Variants in PRDM16 observed in about 807,000 individuals in gnomAD.
PRDM16 encodes histone-lysine N-methyltransferase PRDM16.
PRDM16 carries 23 observed loss-of-function variants against 110.6 expected under a neutral mutation model. That is an observed-to-expected ratio of 0.21 (90% CI 0.15 to 0.29). PRDM16 has a LOEUF of 0.29. PRDM16 is among the 10% of genes least tolerant of loss of function. PRDM16 has a pLI of 1.00. For synonymous variants in PRDM16, 799 were observed against 781.8 expected (o/e 1.02, Z -0.37); for missense variants, 1,615 against 1,794.3 (o/e 0.90, Z 1.81).
intron 2 of PRDM16, among the ~76,000 whole-genome samples, chr1:3,219,964 C>A (rs1345238674): frequency 6.6e-6 from 1 of 152,180 alleles, no homozygotes; most frequent in Non-Finnish European, 1.5e-5. Context: ...GGCGAGGCTG[C>A]GGTGCTGGCC....
intron 1 of PRDM16, among the ~76,000 whole-genome samples, chr1:3,146,122 G>T (rs1292467339): frequency 6.6e-6 from 1 of 152,184 alleles, no homozygotes; most frequent in African/African-American, 2.4e-5. Context: ...TGGGCATCAG[G>T]GCTCTGCTGC....
chr1:3,313,395 C>A (rs1641513304), intron 3 of PRDM16, among the ~76,000 whole-genome samples: 1 of 152,210 alleles, frequency 6.6e-6, no homozygotes, highest in African/African-American at 2.4e-5. Flanking sequence ...CCGGCCTGGT[C>A]TCCTTTGACG....
chr1:3,089,721 G>A (rs147214627), intron 1 of PRDM16, among the ~76,000 whole-genome samples: 25 of 152,312 alleles, frequency 1.6e-4, no homozygotes, highest in Middle Eastern at 3.4e-3. Context: ...TGGTCATTAC[G>A]TCTCCTCCGG....
intron 1 of PRDM16, among the ~76,000 whole-genome samples, chr1:3,093,911 G>A (rs1397941747): frequency 2.0e-5 from 3 of 152,244 alleles, no homozygotes; most frequent in Admixed American, 6.5e-5. Context: ...GGCGAGACAA[G>A]GAAGGAGTTC....
At chr1:3,419,679 G>A (rs755795467) in intron 12 of PRDM16, among the ~76,000 whole-genome samples, 29 of 152,046 alleles carry the variant, frequency 1.9e-4, no homozygotes, top group Non-Finnish European at 4.1e-4. Context: ...CTGTCCTCTG[G>A]CCACACAGAG....
At position 3,167,035 on chromosome 1, in the gene PRDM16, G is replaced by A. The variant is rs954977340; in HGVS notation, c.38-19090G>A. Reference sequence around the variant, plus strand: ...CTCCAACTGCCCTCCATCCCCAGAAGGACTCCCAGGGAGGTGCAGGGAGCG... The same window carrying A: ...CTCCAACTGCCCTCCATCCCCAGAAAGACTCCCAGGGAGGTGCAGGGAGCG... On this transcript the variant is annotated intron_variant, in intron 1 of 16. Transcript: ENST00000270722. 2.0e-5 allele frequency among the ~76,000 whole-genome samples: 3 copies of A among 152,174 alleles called. No homozygotes were observed. The East Asian group carries it at 5.8e-4, about 29-fold the overall frequency.
intron 3 of PRDM16, among the ~76,000 whole-genome samples, chr1:3,248,952 G>A (rs373150179): frequency 2.0e-5 from 3 of 152,308 alleles, no homozygotes; most frequent in African/African-American, 7.2e-5. Flanking sequence ...AGTTGGGAGC[G>A]AGACAGACAG....
At chr1:3,111,794 G>A (rs1642801744) in intron 1 of PRDM16, among the ~76,000 whole-genome samples, 1 of 152,172 alleles carries the variant, frequency 6.6e-6, no homozygotes, top group South Asian at 2.1e-4. Context: ...GGCGACACAC[G>A]GCTGCCTATT....
At chr1:3,078,951 G>A (rs1315619377) in intron 1 of PRDM16, among the ~76,000 whole-genome samples, 2 of 152,264 alleles carry the variant, frequency 1.3e-5, no homozygotes, top group African/African-American at 4.8e-5. Flanking sequence ...TCGTCAGAGA[G>A]GCTGGTCATA....
chr1:3,181,038 T>C (rs1276801048), intron 1 of PRDM16, among the ~76,000 whole-genome samples: 3 of 145,476 alleles, frequency 2.1e-5, no homozygotes, highest in African/African-American at 5.1e-5. Flanking sequence ...ACACGCGGTC[T>C]TACACACGCA....
At chr1:3,181,371 C>A (rs184182728) in intron 1 of PRDM16, among the ~76,000 whole-genome samples, 801 of 22,128 alleles carry the variant, frequency 0.036, 31 homozygotes, top group Non-Finnish European at 0.092. Context: ...GTCTTACACA[C>A]GCAGTCTTAC....
chr1:3,070,251 C>T (rs1641715989), intron 1 of PRDM16, among the ~76,000 whole-genome samples: 1 of 150,558 alleles, frequency 6.6e-6, no homozygotes, highest in Non-Finnish European at 1.5e-5. Flanking sequence ...CCCCGGGCTC[C>T]GCGCGCCCCG....
At chr1:3,100,503 C>T (rs1570248887) in intron 1 of PRDM16, among the ~76,000 whole-genome samples, 1 of 152,022 alleles carries the variant, frequency 6.6e-6, no homozygotes, top group East Asian at 2.0e-4. Context: ...TGCAGAACCT[C>T]CACGCCCTGC....
At chr1:3,187,612 C>G (rs531289599) in intron 2 of PRDM16, among the ~76,000 whole-genome samples, 2 of 152,188 alleles carry the variant, frequency 1.3e-5, no homozygotes, top group African/African-American at 4.8e-5. Context: ...ATTAAGAGCC[C>G]TTTGTAAGAA....
chr1:3,241,113 G>T (rs1014480260), intron 2 of PRDM16, among the ~76,000 whole-genome samples: 1 of 152,254 alleles, frequency 6.6e-6, no homozygotes, highest in Non-Finnish European at 1.5e-5. Flanking sequence ...TTCCAGCCGA[G>T]GTCAGCAGCG....
intron 1 of PRDM16, among the ~76,000 whole-genome samples, chr1:3,087,403 G>C (rs1642175110): frequency 6.6e-6 from 1 of 152,216 alleles, no homozygotes; most frequent in South Asian, 2.1e-4. Context: ...AGAGCAGGTG[G>C]ACAGGAGTCC....
intron 3 of PRDM16, among the ~76,000 whole-genome samples, chr1:3,324,825 C>T (rs368012387): frequency 1.5e-3 from 228 of 151,828 alleles, no homozygotes; most frequent in African/African-American, 5.2e-3. Context: ...TGGGACTCGG[C>T]GGGTCGTGGG....
chr1:3,390,922 G>A lies in PRDM16; in HGVS notation c.574-5569G>A, dbSNP rs940842355. ...ACAATCTCGGCTCACTGCAACCTCC[G>A]CCTCCCGGGTTCAAGCGATTCTCCT... On this transcript the variant is annotated intron_variant, in intron 4 of 16. Transcript: ENST00000270722. The surrounding 1 kb of genome is among the most constrained non-coding windows in gnomAD (Gnocchi z 5.0). 2.4e-4 allele frequency among the ~76,000 whole-genome samples: 35 copies of A among 144,950 alleles called. No homozygotes were observed. The highest frequency in any genetic ancestry group is 1.2e-3 in the South Asian group (5 of 4,210).
chr1:3,390,225 T>C lies in PRDM16; in HGVS notation c.573+4939T>C, dbSNP rs1248651577. On this transcript the variant is annotated intron_variant, in intron 4 of 16. Transcript: ENST00000270722. This position sits in a 1 kb window ranked among gnomAD's most constrained non-coding sequence, Gnocchi z 5.0. ...TGTTTTTTGGTTTATCTTTTTCTCA[T>C]GTTGCCTCAATAGGGCAAGAATGTT... Among the ~76,000 whole-genome samples the C allele has an allele frequency of 1.3e-5, 2 of 152,180 alleles. No homozygotes were observed. The highest frequency in any genetic ancestry group is 2.9e-5 in the Non-Finnish European group (2 of 68,030).
Sources: allele counts gnomAD v4.1 joint callset (sites outside exome capture counted in the v4.1 genomes callset), GRCh38; gene constraint gnomAD v4.1.1; non-coding constraint Gnocchi (gnomAD v3.1); transcripts MANE v1.5; gene names NCBI Gene and HGNC (gene_info 2026-07-23, HGNC 2026-07-21).